Variants in HECTD4 observed in about 807,000 individuals in gnomAD.
HECTD4 encodes HECT domain E3 ubiquitin protein ligase 4.
A neutral mutation model predicts 471.5 loss-of-function variants in HECTD4; 114 were observed. The observed-to-expected ratio is 0.24, with a 90% CI of 0.21 to 0.28. HECTD4 has a LOEUF of 0.28. Ranked by LOEUF, HECTD4 falls within the 10% of genes least tolerant of loss-of-function variation. The pLI is 1.00. For synonymous variants in HECTD4, 2,012 were observed against 2,256.0 expected (o/e 0.89, Z 3.07); for missense variants, 3,866 against 5,651.5 (o/e 0.68, Z 10.13).
At chr12:112,165,160 C>G (rs2030887060) in intron 72 of HECTD4, among the ~76,000 whole-genome samples, 1 of 150,938 alleles carries the variant, frequency 6.6e-6, no homozygotes, top group Non-Finnish European at 1.5e-5. Flanking sequence ...ACCTCGTGAT[C>G]TACCCGCCTC....
At position 112,248,446 on chromosome 12, in the gene HECTD4, C is replaced by T. The variant is rs770058143; in HGVS notation, c.4017G>A (p.Leu1339=). 1.9e-6 allele frequency: 3 copies of T among 1,612,272 alleles called. No individual in the cohort carries two copies. Among genetic ancestry groups the T allele is most frequent in the Non-Finnish European group, 2.5e-6 (3 of 1,179,082 alleles). The change falls in exon 26 of 76, where the codon TTG becomes TTA. Residue 1339 remains leucine (L), a synonymous_variant. Coordinates refer to ENST00000682272, the MANE Select transcript of HECTD4 (RefSeq NM_001388303.1). ...TTATTAGAGACTGCAGTGCATCAAC[C>T]AAGTTCAAGTGCTTAATAACACAAG... ...VVSCVIKHLN[L]VDALQSLINF...
intron 1 of HECTD4, among the ~76,000 whole-genome samples, chr12:112,378,513 T>C (rs1257962910): frequency 6.6e-6 from 1 of 152,024 alleles, no homozygotes; most frequent in African/African-American, 2.4e-5. Context: ...CATGAGCCAC[T>C]GCGACCGGCG....
chr12:112,216,234 G>T, intron 48 of HECTD4, 58 bp downstream of exon 48: 3 of 1,187,816 alleles, frequency 2.5e-6, no homozygotes, highest in South Asian at 2.6e-5. Flanking sequence ...AACCTGTTTA[G>T]ACCCAAACCT....
At chr12:112,377,891 A>T (rs2036813871) in intron 1 of HECTD4, among the ~76,000 whole-genome samples, 1 of 152,142 alleles carries the variant, frequency 6.6e-6, no homozygotes, top group African/African-American at 2.4e-5. Flanking sequence ...GAAAGAAAGA[A>T]AGAAAAAGAA....
At chr12:112,171,073 C>T in intron 68 of HECTD4, 44 bp downstream of exon 68, 1 of 1,534,904 alleles carries the variant, frequency 6.5e-7, no homozygotes. Context: ...TCTTGCAGGT[C>T]ACCTCTCTCT....
intron 2 of HECTD4, among the ~76,000 whole-genome samples, chr12:112,316,165 C>A: frequency 6.6e-6 from 1 of 152,130 alleles, no homozygotes; most frequent in Non-Finnish European, 1.5e-5. Flanking sequence ...ACCCTGCCCA[C>A]TGTGCTGTCC....
At chr12:112,318,599 C>T (rs1207388228) in intron 2 of HECTD4, among the ~76,000 whole-genome samples, 1 of 152,160 alleles carries the variant, frequency 6.6e-6, no homozygotes, top group East Asian at 1.9e-4. Context: ...GTCTAGAACT[C>T]CTGACCTCAA....
Position 112,288,812 on chromosome 12 carries a change from C to G in HECTD4, c.1336-5510G>C, listed in dbSNP as rs1387584646. Among the ~76,000 whole-genome samples the G allele has an allele frequency of 2.0e-5, 3 of 152,176 alleles. No individual in the cohort carries two copies. The East Asian group carries it at 5.8e-4, about 29-fold the overall frequency. The stretch of plus-strand genomic sequence containing the variant: ...TCAGTGGCACAGCCCAAGCTAAGCT[C>G]CCAGTTGAATGAAGCTGCAGATGTG... On this transcript the variant is annotated intron_variant, in intron 7 of 75. Transcript: ENST00000682272.
Position 112,216,930 on chromosome 12 carries a change from A to G in HECTD4, c.7237-9T>C. The G allele has an allele frequency of 6.2e-7, 1 of 1,612,270 alleles. No homozygotes were observed. Among genetic ancestry groups the G allele is most frequent in the Non-Finnish European group, 8.5e-7 (1 of 1,178,410 alleles). ...CAGTAAAAAGACGGGGCCTGAAGAG[A>G]TGCCAGAAGAGAGCAGCAATCAGAG... On this transcript the variant is annotated splice_polypyrimidine_tract_variant and intron_variant, in intron 46 of 75. Coordinates refer to ENST00000682272, the MANE Select transcript of HECTD4 (RefSeq NM_001388303.1).
chr12:112,300,902 T>G (rs771364583), intron 7 of HECTD4, among the ~76,000 whole-genome samples: 2 of 151,984 alleles, frequency 1.3e-5, no homozygotes, highest in Non-Finnish European at 2.9e-5. Flanking sequence ...CTTTTTTTTT[T>G]GAGATGGAGC....
intron 1 of HECTD4, among the ~76,000 whole-genome samples, chr12:112,365,586 C>T (rs1032586326): frequency 5.9e-5 from 9 of 151,988 alleles, no homozygotes; most frequent in African/African-American, 9.7e-5. Context: ...GTTCTGGAGG[C>T]TATTTAAGTA....
rs374095171 is a variant in HECTD4, at chr12:112,183,109, G to A, written c.10937C>T (p.Thr3646Ile). 9 of 1,613,362 alleles carry A rather than the reference G, an allele frequency of 5.6e-6. 1 individual carries two copies. Among genetic ancestry groups the A allele is most frequent in the Non-Finnish European group, 7.6e-6 (9 of 1,179,498 alleles). ...ATCTTCTAACCCTGGGCTCCCTTGA[G>A]TATCAAAGAGACTCTGATTTACTAC... ...VSVVNQSLFD[T>I]QGSPGLEDYF... The change falls in exon 62 of 76, where the codon ACT becomes ATT. Residue 3646 changes from threonine to isoleucine, a missense_variant. Thr to Ile is a moderately conservative substitution (Grantham distance 89, BLOSUM62 -1). This residue lies in a region of HECTD4 where 715 missense variants were observed against 1,087.6 expected (regional missense o/e 0.66). Transcript: ENST00000682272.
In HECTD4 at chr12:112,379,649, G is replaced by A. The variant is rs375958061; in HGVS notation, c.177+2303C>T. On this transcript the variant is annotated intron_variant, in intron 1 of 75. Transcript: ENST00000682272. The stretch of plus-strand genomic sequence containing the variant: ...GTGGAGGTTGCAGTGAGCTGAGATG[G>A]AGCCACTGCACTCTAGCCTGGGCAA... Among the ~76,000 whole-genome samples, 5 of 151,848 alleles carry A rather than the reference G, an allele frequency of 3.3e-5. No individual in the cohort carries two copies. In the East Asian group the frequency reaches 7.7e-4, roughly 23 times the overall value.
At position 112,292,789 on chromosome 12, in the gene HECTD4, G is replaced by A. The variant is rs11066240; in HGVS notation, c.1336-9487C>T. On this transcript the variant is annotated intron_variant, in intron 7 of 75. Transcript: ENST00000682272. ...TGTAATCCCAGCACTTTGGGAGACC[G>A]AGGTGGACAGATCACAAGGTCAGGA... Among the ~76,000 whole-genome samples, 8,498 of 152,192 alleles carry A rather than the reference G, an allele frequency of 0.056. 1,293 individuals carry two copies. In the East Asian group the frequency reaches 0.61, roughly 11 times the overall value.
At chr12:112,196,402 GAAC>G (rs2032246261) in intron 55 of HECTD4, among the ~76,000 whole-genome samples, 2 of 152,066 alleles carry the variant, frequency 1.3e-5, no homozygotes, top group African/African-American at 4.8e-5. Flanking sequence ...ATGCCAGGAT[GAAC>G]AATAAACACA....
At chr12:112,238,489 G>C (rs561031877) in intron 34 of HECTD4, among the ~76,000 whole-genome samples, 16 of 152,292 alleles carry the variant, frequency 1.1e-4, no homozygotes, top group Non-Finnish European at 5.9e-5. Flanking sequence ...GAACGCCAAG[G>C]CGCGAGGACT....
rs1265735686 is a variant in HECTD4 at position 112,162,579 on chromosome 12, G to T, written c.13121-56C>A. On this transcript the variant is annotated intron_variant, in intron 75 of 75. Transcript: ENST00000682272. This position sits in a 1 kb window ranked among gnomAD's most constrained non-coding sequence, Gnocchi z 5.2. ...TGGGCCCACATCTGTGAGGCTCCCA[G>T]GGAAGCTGGGCTGGCCTCTGCTTCC... The T allele has an allele frequency of 2.5e-6, 4 of 1,609,492 alleles. No individual in the cohort carries two copies. In the East Asian group the frequency reaches 8.9e-5, roughly 36 times the overall value.
chr12:112,236,801 C>T, intron 35 of HECTD4, 144 bp downstream of exon 35: 3 of 661,410 alleles, frequency 4.5e-6, no homozygotes, highest in Non-Finnish European at 4.6e-6. Context: ...TGACTTTATC[C>T]TCCATTATTT....
rs1224436334 is a variant in HECTD4, at chr12:112,319,876, T to C, written c.178-134A>G. 3.3e-6 allele frequency: 2 copies of C among 607,860 alleles called. No individual in the cohort carries two copies. Among genetic ancestry groups the C allele is most frequent in the Non-Finnish European group, 4.8e-6 (2 of 417,318 alleles). 37.7% of individuals were successfully genotyped at this position (607,860 alleles called of 1,614,324 possible). ...TTTAATTACAATCAAATGGAAAACG[T>C]ATACTGTAAAGCCAGCTCTTTGCTG... On this transcript the variant is annotated intron_variant, in intron 1 of 75. Coordinates refer to ENST00000682272, the MANE Select transcript of HECTD4 (RefSeq NM_001388303.1). This position sits in a 1 kb window ranked among gnomAD's most constrained non-coding sequence, Gnocchi z 5.3.
Sources: gnomAD v4.1 joint callset for allele counts (sites outside exome capture counted in the v4.1 genomes callset) on GRCh38, gnomAD v4.1.1 for gene constraint, gnomAD v4.1.1 regional missense constraint, Gnocchi (gnomAD v3.1) non-coding constraint, MANE v1.5 for transcripts, NCBI Gene and HGNC (gene_info 2026-07-23, HGNC 2026-07-21) for gene names.